PCDH15: variants seen among roughly 807,000 people sequenced by gnomAD.
PCDH15 encodes protocadherin-15.
In PCDH15, 129 loss-of-function variants were observed where a neutral mutation model predicts 178.5. That is an observed-to-expected ratio of 0.72 (90% CI 0.63 to 0.84). PCDH15 has a LOEUF of 0.84. Ranked by LOEUF, PCDH15 falls within the 40% of genes least tolerant of loss-of-function variation. The pLI is 0.00. For missense variants in PCDH15, 2,230 were observed against 2,099.9 expected (o/e 1.06, Z -1.21); for synonymous variants, 800 against 732.0 (o/e 1.09, Z -1.50).
intron 2 of PCDH15, among the ~76,000 whole-genome samples, chr10:54,529,632 C>T (rs1049385469): frequency 6.6e-6 from 1 of 152,020 alleles, no homozygotes; most frequent in African/African-American, 2.4e-5. Flanking sequence ...GTATTTTTAG[C>T]AAAATTTTGT....
chr10:53,979,666 G>A (rs1336041191), intron 21 of PCDH15, among the ~76,000 whole-genome samples: 1 of 152,164 alleles, frequency 6.6e-6, no homozygotes, highest in Non-Finnish European at 1.5e-5. Context: ...TGGACAGGTT[G>A]GAGAGACAAA....
At chr10:54,494,251 A>G (rs959436791) in intron 3 of PCDH15, among the ~76,000 whole-genome samples, 7 of 151,958 alleles carry the variant, frequency 4.6e-5, no homozygotes, top group African/African-American at 1.7e-4. Context: ...TAATAATAAA[A>G]AGAAACTCCC....
At chr10:55,432,812 G>C (rs886131729) in intron 2 of PCDH15, among the ~76,000 whole-genome samples, 1 of 151,368 alleles carries the variant, frequency 6.6e-6, no homozygotes, top group Admixed American at 6.6e-5. Context: ...TTTTAGTAGA[G>C]ATGGCGTTTA....
At chr10:55,326,800 G>A (rs1588916443) in intron 2 of PCDH15, among the ~76,000 whole-genome samples, 1 of 151,950 alleles carries the variant, frequency 6.6e-6, no homozygotes, top group Non-Finnish European at 1.5e-5. Context: ...GAAGGATTAC[G>A]AAGAGATAAT....
chr10:54,977,762 T>C (rs532484289), intron 2 of PCDH15, among the ~76,000 whole-genome samples: 3 of 152,326 alleles, frequency 2.0e-5, no homozygotes, highest in Admixed American at 6.5e-5. Context: ...TAACCCTCTC[T>C]TGGGGTCTGG....
chr10:54,144,214 A>G (rs941099631), intron 14 of PCDH15, among the ~76,000 whole-genome samples: 1 of 152,102 alleles, frequency 6.6e-6, no homozygotes, highest in Non-Finnish European at 1.5e-5. Flanking sequence ...AGTATTAAGC[A>G]GCCAGAAAGA....
At chr10:54,762,903 A>T (rs1434454562) in intron 1 of PCDH15, among the ~76,000 whole-genome samples, 1 of 152,184 alleles carries the variant, frequency 6.6e-6, no homozygotes, top group Non-Finnish European at 1.5e-5. Flanking sequence ...TATATAAAGT[A>T]TAGTTGCCAA....
intron 2 of PCDH15, among the ~76,000 whole-genome samples, chr10:54,998,382 G>C (rs1591827142): frequency 6.6e-6 from 1 of 151,520 alleles, no homozygotes; most frequent in East Asian, 1.9e-4. Context: ...GAAACTTAAA[G>C]TATAAATAAT....
intron 2 of PCDH15, among the ~76,000 whole-genome samples, chr10:55,461,154 G>A (rs1433404840): frequency 6.6e-6 from 1 of 152,142 alleles, no homozygotes; most frequent in Non-Finnish European, 1.5e-5. Flanking sequence ...CTGGATCCTT[G>A]ACATCTCTAG....
intron 3 of PCDH15, among the ~76,000 whole-genome samples, chr10:54,846,914 G>T (rs1953528772): frequency 6.6e-6 from 1 of 152,106 alleles, no homozygotes; most frequent in South Asian, 2.1e-4. Flanking sequence ...ACGATATAAG[G>T]TACATATAAT....
intron 5 of PCDH15, among the ~76,000 whole-genome samples, chr10:54,352,385 C>T (rs1046821182): frequency 2.6e-5 from 4 of 151,960 alleles, no homozygotes; most frequent in South Asian, 2.1e-4. Context: ...GAAACTTGCC[C>T]CCAAAAAGAG....
chr10:54,999,308 T>A (rs1014005715), intron 2 of PCDH15, among the ~76,000 whole-genome samples: 89 of 12,488 alleles, frequency 7.1e-3, no homozygotes, highest in East Asian at 0.049. Context: ...TAAAGAAAAT[T>A]TTTTTTTTAA....
intron 2 of PCDH15, among the ~76,000 whole-genome samples, chr10:55,561,632 T>C (rs1842202858): frequency 6.6e-6 from 1 of 151,692 alleles, no homozygotes; most frequent in Non-Finnish European, 1.5e-5. Flanking sequence ...ATGAAGAGAG[T>C]ACCACATGTT....
intron 2 of PCDH15, among the ~76,000 whole-genome samples, chr10:55,134,325 C>G (rs1163964086): frequency 6.6e-6 from 1 of 152,122 alleles, no homozygotes; most frequent in Non-Finnish European, 1.5e-5. Context: ...AATATTTGCC[C>G]AAGTATTATT....
intron 1 of PCDH15, among the ~76,000 whole-genome samples, chr10:54,793,976 T>A (rs1018364776): frequency 6.7e-6 from 1 of 148,636 alleles, no homozygotes; most frequent in African/African-American, 2.4e-5. Flanking sequence ...TTCTTTTTTT[T>A]TTCATTATAC....
intron 1 of PCDH15, among the ~76,000 whole-genome samples, chr10:55,248,277 A>G (rs1841738474): frequency 6.6e-6 from 1 of 152,030 alleles, no homozygotes; most frequent in Non-Finnish European, 1.5e-5. Context: ...ATCATTTTGA[A>G]AAAAACACTT....
intron 2 of PCDH15, among the ~76,000 whole-genome samples, chr10:54,929,278 ATGTAAGGAGTCCAC>A (rs1456776305): frequency 2.0e-5 from 3 of 152,040 alleles, no homozygotes; most frequent in South Asian, 2.1e-4. Context: ...TGCCTACTCA[ATGTAAGGAGTCCAC>A]TGTGCTAGGG....
intron 15 of PCDH15, among the ~76,000 whole-genome samples, chr10:54,128,788 A>C (rs1488045454): frequency 1.3e-5 from 2 of 152,168 alleles, no homozygotes; most frequent in African/African-American, 4.8e-5. Flanking sequence ...TATAATCTCC[A>C]AGTGAGGAAA....
At chr10:53,938,107 T>C (rs2134045971) in intron 25 of PCDH15, among the ~76,000 whole-genome samples, 1 of 152,204 alleles carries the variant, frequency 6.6e-6, no homozygotes, top group Non-Finnish European at 1.5e-5. Flanking sequence ...ATTGATAACA[T>C]CTTTAAATCT....
Sources: allele counts gnomAD v4.1 joint callset (sites outside exome capture counted in the v4.1 genomes callset), GRCh38; gene constraint gnomAD v4.1.1; transcripts MANE v1.5; gene names NCBI Gene and HGNC (gene_info 2026-07-23, HGNC 2026-07-21).